The following CACHD1 variants were observed in gnomAD, a reference collection of about 807,000 sequenced individuals.
CACHD1 encodes the protein cache domain containing 1.
In CACHD1, 71 loss-of-function variants were observed where a neutral mutation model predicts 138.7. The ratio of observed to expected loss-of-function variants is 0.51; its 90% CI spans 0.42 to 0.62. CACHD1 has a LOEUF of 0.62. Ranked by LOEUF, CACHD1 falls within the 20% of genes least tolerant of loss-of-function variation. The probability of loss-of-function intolerance (pLI) is 0.00; values close to 1 mark genes in which losing one functional copy is unlikely to be tolerated. For missense variants in CACHD1, 1,389 were observed against 1,625.3 expected, an observed-to-expected ratio of 0.85 and a Z score of 2.50; for synonymous variants, 578 against 591.5, an observed-to-expected ratio of 0.98 and a Z score of 0.33.
chr1:64,636,711 G>A (rs1648537101), intron 7 of CACHD1, among the ~76,000 whole-genome samples: 1 of 152,130 alleles, frequency 6.6e-6, no homozygotes, highest in South Asian at 2.1e-4. Context: ...CATCTGATTA[G>A]ATCAGCCCCA....
At chr1:64,545,162 T>C (rs1260295367) in intron 1 of CACHD1, among the ~76,000 whole-genome samples, 1 of 152,242 alleles carries the variant, frequency 6.6e-6, no homozygotes, top group Non-Finnish European at 1.5e-5. Context: ...TTTGTGTATT[T>C]ACAAAAACAT....
chr1:64,489,535 C>A (rs1646261962), intron 1 of CACHD1, among the ~76,000 whole-genome samples: 1 of 152,200 alleles, frequency 6.6e-6, no homozygotes, highest in Non-Finnish European at 1.5e-5. Context: ...CTCAGGCCAA[C>A]TCACAAAAGC....
At chr1:64,681,105 A>C (rs1470586999) in intron 24 of CACHD1, among the ~76,000 whole-genome samples, 153 bp from the exon 25 acceptor site, 5 of 152,216 alleles carry the variant, frequency 3.3e-5, no homozygotes, top group Non-Finnish European at 2.9e-5. Flanking sequence ...CCTTTAAAAA[A>C]ACATGGGGCA....
chr1:64,627,906 G>A (rs961773905), intron 4 of CACHD1, among the ~76,000 whole-genome samples: 1 of 152,126 alleles, frequency 6.6e-6, no homozygotes, highest in African/African-American at 2.4e-5. Context: ...TGTAACTGGG[G>A]GTGGGGAGGG....
chr1:64,582,255 C>A lies in CACHD1; in HGVS notation c.361C>A (p.Pro121Thr), dbSNP rs1053660214. The A allele has an allele frequency of 6.2e-7, 1 of 1,613,984 alleles. No homozygotes were observed. Among genetic ancestry groups the A allele is most frequent in the East Asian group, 2.2e-5 (1 of 44,882 alleles). ...EASYTAHLTS[P>T]LTAIQDCCTI... Reference sequence around the variant, plus strand: ...ATCCTATACGGCTCACCTAACCTCTCCCCTAACTGCAATTCAAGACTGCTG... The same window carrying A: ...ATCCTATACGGCTCACCTAACCTCTACCCTAACTGCAATTCAAGACTGCTG... The change falls in exon 3 of 27, where the codon CCC (proline) becomes ACC (threonine). Residue 121 changes from proline to threonine, a missense_variant. Pro to Thr is a conservative substitution (Grantham distance 38). Coordinates refer to ENST00000651257, the MANE Select transcript of CACHD1 (RefSeq NM_020925.4).
intron 1 of CACHD1, among the ~76,000 whole-genome samples, chr1:64,513,499 G>C (rs1259997558): frequency 2.0e-5 from 3 of 152,122 alleles, no homozygotes; most frequent in Non-Finnish European, 4.4e-5. Context: ...CATGTATAAG[G>C]GCATCCTTGC....
intron 4 of CACHD1, among the ~76,000 whole-genome samples, chr1:64,604,225 A>G (rs1235862679): frequency 6.6e-6 from 1 of 152,236 alleles, no homozygotes; most frequent in Non-Finnish European, 1.5e-5. Flanking sequence ...TAATAAAACT[A>G]TAGCTGCTAG....
intron 4 of CACHD1, among the ~76,000 whole-genome samples, chr1:64,623,429 A>G (rs1281887220): frequency 6.7e-6 from 1 of 149,352 alleles, no homozygotes; most frequent in Non-Finnish European, 1.5e-5. Context: ...TTAGAAGAAA[A>G]TAAGATTTTA....
chr1:64,560,959 T>C (rs1646834167), intron 2 of CACHD1, among the ~76,000 whole-genome samples: 1 of 152,172 alleles, frequency 6.6e-6, no homozygotes, highest in African/African-American at 2.4e-5. Flanking sequence ...CTCCTTAAAG[T>C]CTATTTTACT....
chr1:64,486,004 C>T (rs1416474437), intron 1 of CACHD1, among the ~76,000 whole-genome samples: 2 of 152,150 alleles, frequency 1.3e-5, no homozygotes, highest in Non-Finnish European at 2.9e-5. Context: ...GTCCTGGTTG[C>T]TCCACAGCCT....
intron 1 of CACHD1, among the ~76,000 whole-genome samples, chr1:64,538,357 A>G (rs898375984): frequency 6.6e-6 from 1 of 152,226 alleles, no homozygotes; most frequent in Non-Finnish European, 1.5e-5. Flanking sequence ...TTTCAGAGAT[A>G]TATTTATAAT....
intron 1 of CACHD1, among the ~76,000 whole-genome samples, chr1:64,521,133 G>C (rs1646495142): frequency 6.6e-6 from 1 of 152,166 alleles, no homozygotes; most frequent in African/African-American, 2.4e-5. Flanking sequence ...TGTGGGCTTG[G>C]AGTCTTCTTC....
intron 11 of CACHD1, 125 bp downstream of exon 11, chr1:64,654,006 A>G: frequency 1.2e-6 from 1 of 842,352 alleles, no homozygotes. Flanking sequence ...TATCAAAAGT[A>G]TTCTCAGTAA....
At chr1:64,519,811 C>T (rs570691917) in intron 1 of CACHD1, among the ~76,000 whole-genome samples, 19 of 152,160 alleles carry the variant, frequency 1.2e-4, no homozygotes, top group Non-Finnish European at 2.5e-4. Flanking sequence ...TAAGCCAGTT[C>T]GGTTATACAC....
At chr1:64,684,542 T>C (rs1265930048) in intron 26 of CACHD1, among the ~76,000 whole-genome samples, 4 of 152,028 alleles carry the variant, frequency 2.6e-5, no homozygotes, top group African/African-American at 9.7e-5. Flanking sequence ...TATTACAAAA[T>C]AGTCAAAAAG....
chr1:64,529,493 AATC>A (rs1266668802), intron 1 of CACHD1, among the ~76,000 whole-genome samples: 3 of 152,174 alleles, frequency 2.0e-5, no homozygotes, highest in African/African-American at 2.4e-5. Context: ...TTGCTACTAG[AATC>A]ATCATCTTCT....
chr1:64,497,049 T>C (rs546028190), intron 1 of CACHD1, among the ~76,000 whole-genome samples: 1 of 151,654 alleles, frequency 6.6e-6, no homozygotes, highest in African/African-American at 2.4e-5. Context: ...AAAAAAAAAA[T>C]CATGTTTACT....
intron 5 of CACHD1, among the ~76,000 whole-genome samples, chr1:64,630,488 A>G (rs923284629): frequency 3.0e-4 from 46 of 152,038 alleles, no homozygotes; most frequent in African/African-American, 9.9e-4. Context: ...TTTAGTAGAG[A>G]CGAAGTTTTG....
At chr1:64,636,067 C>T (rs963767854) in intron 7 of CACHD1, among the ~76,000 whole-genome samples, 6 of 151,020 alleles carry the variant, frequency 4.0e-5, no homozygotes, top group Non-Finnish European at 7.4e-5. Context: ...GCCAAGATTG[C>T]GCCACTGTAC....
Sources: allele counts gnomAD v4.1 joint callset (sites outside exome capture counted in the v4.1 genomes callset), GRCh38; gene constraint gnomAD v4.1.1; transcripts MANE v1.5; gene names NCBI Gene and HGNC (gene_info 2026-07-23, HGNC 2026-07-21).